The following RASA3 variants were observed in gnomAD, a reference collection of about 807,000 sequenced individuals.
RASA3 encodes RAS p21 protein activator 3, also known as ras GTPase-activating protein 3.
In RASA3, 73 loss-of-function variants were observed where a neutral mutation model predicts 110.0. The observed-to-expected ratio is 0.66, with a 90% CI of 0.55 to 0.81. The LOEUF is 0.81. RASA3 is among the 30% of genes least tolerant of loss of function. RASA3 has a pLI of 0.00. For synonymous variants in RASA3, 500 were observed against 451.4 expected, an observed-to-expected ratio of 1.11 and a Z score of -1.37; for missense variants, 976 against 1,113.2, an observed-to-expected ratio of 0.88 and a Z score of 1.75.
intron 2 of RASA3, among the ~76,000 whole-genome samples, chr13:114,070,098 G>A (rs9590547): frequency 0.045 from 3,842 of 84,560 alleles, 321 homozygotes; most frequent in East Asian, 0.15. Flanking sequence ...TGGGGGGACC[G>A]GGAAACTGGG....
intron 1 of RASA3, among the ~76,000 whole-genome samples, chr13:114,088,056 AGGAGGT>A (rs1323754261): frequency 2.6e-5 from 4 of 152,168 alleles, no homozygotes; most frequent in Non-Finnish European, 5.9e-5. Context: ...ACTTGATCCC[AGGAGGT>A]GGAGGTTGCA....
rs180902834 is a variant in RASA3, at chr13:114,100,490, C to T, written c.56-26653G>A. ...CAGGCGGAGGACGTGATGCTCAGAG[C>T]AGCCAGGGACCCCCGTCTGGGCCCA... On this transcript the variant is annotated intron_variant, in intron 1 of 23. Transcript: ENST00000334062. Among the ~76,000 whole-genome samples the T allele has an allele frequency of 2.1e-3, 316 of 152,354 alleles. 8 individuals are homozygous for T. Among genetic ancestry groups the T allele is most frequent in the Admixed American group, 0.018 (282 of 15,310 alleles).
At chr13:114,027,685 A>G (rs1017226909) in intron 6 of RASA3, among the ~76,000 whole-genome samples, 162 bp downstream of exon 6, 29 of 152,240 alleles carry the variant, frequency 1.9e-4, no homozygotes, top group African/African-American at 6.5e-4. Context: ...CTACAAAGCA[A>G]TTTTGGAGCA....
At chr13:114,024,717 C>A (rs978908414) in intron 7 of RASA3, among the ~76,000 whole-genome samples, 1 of 152,222 alleles carries the variant, frequency 6.6e-6, no homozygotes, top group East Asian at 1.9e-4. Flanking sequence ...TCCCCTCTGC[C>A]GTGGAGACGA....
chr13:114,040,877 T>C (rs2054390094), intron 4 of RASA3, 123 bp downstream of exon 4: 1 of 893,850 alleles, frequency 1.1e-6, no homozygotes, highest in Non-Finnish European at 1.8e-6. Context: ...AATCTGCTCA[T>C]CGTTATTCCC....
At chr13:114,040,627 C>T (rs1340183084) in intron 4 of RASA3, among the ~76,000 whole-genome samples, 7 of 134,992 alleles carry the variant, frequency 5.2e-5, no homozygotes, top group Non-Finnish European at 1.1e-4. Flanking sequence ...CGGGCGAACA[C>T]GCACAACCCA....
At chr13:114,030,538 G>GGCAAGACTCACACAGAGA (rs2054141742) in intron 4 of RASA3, among the ~76,000 whole-genome samples, 1 of 121,722 alleles carries the variant, frequency 8.2e-6, no homozygotes, top group African/African-American at 3.0e-5. Context: ...TCACACAGAG[G>GGCAAGACTCACACAGAGA]GCAAGACTCA....
intron 23 of RASA3, among the ~76,000 whole-genome samples, chr13:113,979,876 T>C (rs1227131940): frequency 6.6e-6 from 1 of 151,000 alleles, no homozygotes; most frequent in African/African-American, 2.4e-5. Context: ...CCTCCTGCCA[T>C]GTGTGTCCAC....
rs184173887 is a variant in RASA3, at chr13:114,073,840, A to C, written c.56-3T>G. The C allele has an allele frequency of 6.2e-7, 1 of 1,610,906 alleles. No homozygotes were observed. The highest frequency in any genetic ancestry group is 8.5e-7 in the Non-Finnish European group (1 of 1,177,068). On this transcript the variant is annotated splice_region_variant and splice_polypyrimidine_tract_variant and intron_variant, in intron 1 of 23. Coordinates refer to ENST00000334062, the MANE Select transcript of RASA3 (RefSeq NM_007368.4). The stretch of plus-strand genomic sequence containing the variant: ...AGAGGGAAGGTTTTTGGCTTCACCT[A>C]AAAAGTAAAAGCGACATACATCATC...
chr13:114,010,416 G>T (rs2053605748), intron 16 of RASA3, among the ~76,000 whole-genome samples: 1 of 152,030 alleles, frequency 6.6e-6, no homozygotes, highest in Admixed American at 6.5e-5. Flanking sequence ...CTGCCCCCGG[G>T]ACGCCTCAAA....
chr13:114,010,270 A>C (rs1005200545), intron 16 of RASA3, among the ~76,000 whole-genome samples: 1 of 151,978 alleles, frequency 6.6e-6, no homozygotes. Flanking sequence ...CCCCACCAAG[A>C]ACAGGGAACC....
At chr13:114,032,563 A>AG (rs1340973521) in intron 4 of RASA3, among the ~76,000 whole-genome samples, 1 of 152,080 alleles carries the variant, frequency 6.6e-6, no homozygotes, top group African/African-American at 2.4e-5. Context: ...GCCCCTGGTC[A>AG]GGGAGTGGAA....
At chr13:114,117,598 G>C (rs2080305066) in intron 1 of RASA3, among the ~76,000 whole-genome samples, 2 of 143,486 alleles carry the variant, frequency 1.4e-5, no homozygotes, top group South Asian at 4.6e-4. Flanking sequence ...CACATCTGTG[G>C]GTGAGCACGT....
At chr13:113,991,835 CTCA>C (rs141631012) in intron 22 of RASA3, among the ~76,000 whole-genome samples, 6,311 of 152,276 alleles carry the variant, frequency 0.041, 155 homozygotes, top group Middle Eastern at 0.096. Context: ...CACACGTGCC[CTCA>C]TGTTTCCACA....
intron 2 of RASA3, among the ~76,000 whole-genome samples, chr13:114,060,268 G>A (rs1224932498): frequency 6.6e-6 from 1 of 152,250 alleles, no homozygotes; most frequent in South Asian, 2.1e-4. Flanking sequence ...GTCACGTGGT[G>A]CAGAGCAGAC....
At chr13:114,020,487 G>A (rs955280481) in intron 9 of RASA3, among the ~76,000 whole-genome samples, 5 of 152,198 alleles carry the variant, frequency 3.3e-5, no homozygotes, top group African/African-American at 1.2e-4. Context: ...AAAGACACGC[G>A]TGTTTCACGG....
intron 9 of RASA3, among the ~76,000 whole-genome samples, chr13:114,020,317 G>A (rs1446033986): frequency 1.3e-5 from 2 of 151,834 alleles, no homozygotes; most frequent in Non-Finnish European, 2.9e-5. Context: ...GCCCCCCATC[G>A]CCCCAGGTAG....
At chr13:114,020,173 G>C (rs1174999403) in intron 9 of RASA3, among the ~76,000 whole-genome samples, 1 of 71,070 alleles carries the variant, frequency 1.4e-5, no homozygotes, top group African/African-American at 8.3e-5. Context: ...GCCTGTGTCC[G>C]AGGCATTAGC....
chr13:114,129,867 C>T (rs2080495146), intron 1 of RASA3, among the ~76,000 whole-genome samples: 1 of 152,232 alleles, frequency 6.6e-6, no homozygotes. Context: ...GGAGACAAGG[C>T]TCAGAGGTGA....
Sources: gnomAD v4.1 joint callset for allele counts (sites outside exome capture counted in the v4.1 genomes callset) on GRCh38, gnomAD v4.1.1 for gene constraint, MANE v1.5 for transcripts, NCBI Gene and HGNC (gene_info 2026-07-23, HGNC 2026-07-21) for gene names.